The following NR5A2 variants were observed in gnomAD, a reference collection of about 807,000 sequenced individuals.
The protein encoded by NR5A2 is CYP7A promoter-binding factor.
Under a neutral mutation model 62.7 loss-of-function variants are expected in NR5A2, and 26 were observed. That is an observed-to-expected ratio of 0.41 (90% confidence interval 0.30 to 0.58). The LOEUF (loss-of-function observed/expected upper bound fraction) is 0.58, where lower values mean the gene tolerates loss of function less well. Ranked by LOEUF, NR5A2 falls within the 20% of genes least tolerant of loss-of-function variation. The pLI, the probability that NR5A2 is intolerant of heterozygous loss-of-function variation, is 0.22. For synonymous variants in NR5A2, 246 were observed against 241.7 expected, an observed-to-expected ratio of 1.02 and a Z score of -0.16; for missense variants, 541 against 669.1, an observed-to-expected ratio of 0.81 and a Z score of 2.11.
chr1:200,045,329 T>G (rs978397575), intron 3 of NR5A2, 114 bp from the exon 4 acceptor site: 28 of 894,140 alleles, frequency 3.1e-5, no homozygotes, highest in African/African-American at 1.2e-4. Flanking sequence ...CAGAACCACA[T>G]AAGGGCTCAA....
chr1:200,076,026 G>A (rs1275736179), intron 5 of NR5A2, among the ~76,000 whole-genome samples: 4 of 151,898 alleles, frequency 2.6e-5, no homozygotes, highest in Non-Finnish European at 2.9e-5. Context: ...AACAATTTTC[G>A]GTTGAGGGTG....
rs1446217306 is a variant in NR5A2 at position 200,144,233 on chromosome 1, T to TCTCACACACACA, written c.1378+23279_1378+23280insTCACACACACAC. Among the ~76,000 whole-genome samples the TCTCACACACACA allele has an allele frequency of 5.7e-3, 455 of 80,088 alleles. 4 individuals are homozygous for TCTCACACACACA. The highest frequency in any genetic ancestry group is 0.022 in the Middle Eastern group (3 of 138). 52.5% of individuals were successfully genotyped at this position (80,088 alleles called of 152,430 possible). On this transcript the variant is annotated intron_variant, in intron 7 of 7. Coordinates refer to ENST00000367362, the MANE Select transcript of NR5A2 (RefSeq NM_205860.3). ...CACTGTTTCTCTCTCTCTCTCTCTC[T>TCTCACACACACA]CACACACACACACACACACACACAC...
intron 7 of NR5A2, among the ~76,000 whole-genome samples, chr1:200,132,218 C>T (rs1666996813): frequency 6.6e-6 from 1 of 152,180 alleles, no homozygotes; most frequent in Admixed American, 6.5e-5. Flanking sequence ...CCATGTTGGC[C>T]AGGCTGGTCT....
intron 7 of NR5A2, among the ~76,000 whole-genome samples, chr1:200,168,644 T>G (rs1654026519): frequency 6.6e-6 from 1 of 152,116 alleles, no homozygotes; most frequent in African/African-American, 2.4e-5. Flanking sequence ...AAATCTTGAG[T>G]TTCAGATATT....
At chr1:200,036,611 A>AT (rs952287116) in intron 1 of NR5A2, among the ~76,000 whole-genome samples, 6 of 152,150 alleles carry the variant, frequency 3.9e-5, no homozygotes, top group African/African-American at 1.4e-4. Flanking sequence ...TCTGGCAAGA[A>AT]TCAATTCCAG....
rs1665608420 is a variant in NR5A2, at chr1:200,105,532, C to T, written c.1111-5670C>T. On this transcript the variant is annotated intron_variant, in intron 5 of 7. Coordinates refer to ENST00000367362, the MANE Select transcript of NR5A2 (RefSeq NM_205860.3). ...GATTGTATTTTAATAATCTGTTTTC[C>T]CTCAAGTTTCTAACACAAGACCTGA... 2.6e-5 allele frequency among the ~76,000 whole-genome samples: 4 copies of T among 152,074 alleles called. No individual in the cohort carries two copies. In the South Asian group the frequency reaches 8.3e-4, roughly 32 times the overall value.
At chr1:200,050,445 T>C (rs992784300) in intron 5 of NR5A2, among the ~76,000 whole-genome samples, 2 of 152,198 alleles carry the variant, frequency 1.3e-5, no homozygotes, top group African/African-American at 2.4e-5. Flanking sequence ...AACTTGTATA[T>C]GTGGTGTTTG....
chr1:200,050,051 T>G (rs1309915356), intron 5 of NR5A2, among the ~76,000 whole-genome samples: 2 of 152,230 alleles, frequency 1.3e-5, no homozygotes, highest in Non-Finnish European at 2.9e-5. Flanking sequence ...CCACGTCCTT[T>G]ATTGCTACGC....
intron 5 of NR5A2, among the ~76,000 whole-genome samples, chr1:200,059,177 T>G (rs979167360): frequency 6.6e-6 from 1 of 152,116 alleles, no homozygotes; most frequent in African/African-American, 2.4e-5. Context: ...ATTCAGTATG[T>G]CCCCATCAGA....
At chr1:200,102,025 C>T (rs538898786) in intron 5 of NR5A2, among the ~76,000 whole-genome samples, 1 of 152,306 alleles carries the variant, frequency 6.6e-6, no homozygotes, top group South Asian at 2.1e-4. Flanking sequence ...AAAGATGTCA[C>T]TCACTTATGT....
intron 6 of NR5A2, among the ~76,000 whole-genome samples, chr1:200,113,323 A>G (rs1666050535): frequency 6.6e-6 from 1 of 151,534 alleles, no homozygotes; most frequent in African/African-American, 2.4e-5. Flanking sequence ...CCCTCCCTTC[A>G]CTTTTTTCAT....
intron 1 of NR5A2, among the ~76,000 whole-genome samples, chr1:200,033,152 G>A (rs551255872): frequency 1.3e-5 from 2 of 152,256 alleles, no homozygotes; most frequent in South Asian, 4.2e-4. Context: ...GGAGTTTCCT[G>A]GAAAGGATCT....
At chr1:200,105,982 G>A (rs189261432) in intron 5 of NR5A2, among the ~76,000 whole-genome samples, 5 of 151,590 alleles carry the variant, frequency 3.3e-5, no homozygotes, top group African/African-American at 1.2e-4. Context: ...GGAGGGGGCC[G>A]CAAAAAGGTT....
At chr1:200,103,655 A>G (rs1328883117) in intron 5 of NR5A2, among the ~76,000 whole-genome samples, 16 of 152,250 alleles carry the variant, frequency 1.1e-4, no homozygotes, top group Admixed American at 1.0e-3. Context: ...ATGTCACAGC[A>G]GTATCAACAA....
chr1:200,154,471 G>T (rs1035369440), intron 7 of NR5A2, among the ~76,000 whole-genome samples: 1 of 152,164 alleles, frequency 6.6e-6, no homozygotes, highest in African/African-American at 2.4e-5. Flanking sequence ...AGAGCAATGG[G>T]GTGATACTCA....
Position 200,174,054 on chromosome 1 carries a change from G to T in NR5A2, c.1470G>T (p.Pro490=). The T allele has an allele frequency of 1.9e-6, 3 of 1,611,332 alleles. No individual in the cohort carries two copies. The South Asian group carries it at 3.3e-5, about 18-fold the overall frequency. Residue 490 remains proline (P), a synonymous_variant, in exon 8 of 8, where the codon CCG becomes CCT. Transcript: ENST00000367362. The stretch of plus-strand genomic sequence containing the variant: ...TGGACTACACAATGTGTAACTACCC[G>T]CAGCAGACAGAGAAATTTGGACAGC... ...ALLDYTMCNY[P]QQTEKFGQLL... is the part of the protein sequence containing the mutation.
At chr1:200,071,130 A>G (rs1571421112) in intron 5 of NR5A2, among the ~76,000 whole-genome samples, 1 of 152,220 alleles carries the variant, frequency 6.6e-6, no homozygotes, top group Admixed American at 6.5e-5. Context: ...GATTAGGTCA[A>G]ATCATTTGTA....
chr1:200,124,678 C>A (rs1046195434), intron 7 of NR5A2, among the ~76,000 whole-genome samples: 1 of 152,132 alleles, frequency 6.6e-6, no homozygotes, highest in Admixed American at 6.5e-5. Context: ...GTGGCTCACA[C>A]CTGTAATCTC....
intron 5 of NR5A2, among the ~76,000 whole-genome samples, chr1:200,094,596 G>A (rs1254415534): frequency 1.6e-5 from 2 of 125,654 alleles, no homozygotes; most frequent in Non-Finnish European, 3.1e-5. Context: ...GCAGTGGTTC[G>A]ATCTCGGCTC....
Sources: allele counts gnomAD v4.1 joint callset (sites outside exome capture counted in the v4.1 genomes callset), GRCh38; gene constraint gnomAD v4.1.1; transcripts MANE v1.5; gene names NCBI Gene and HGNC (gene_info 2026-07-23, HGNC 2026-07-21).